Variants in TTC7A observed in about 807,000 individuals in gnomAD.
The protein encoded by TTC7A is tetratricopeptide repeat domain 7A, also known as tetratricopeptide repeat protein 7A.
Under a neutral mutation model 103.7 loss-of-function variants are expected in TTC7A, and 110 were observed. The ratio of observed to expected loss-of-function variants is 1.06; its 90% CI spans 0.91 to 1.24. The LOEUF (loss-of-function observed/expected upper bound fraction) is 1.24, where lower values mean the gene tolerates loss of function less well. Ranked by LOEUF, TTC7A falls within the 50% of genes most tolerant of loss-of-function variation. TTC7A has a pLI of 0.00. For synonymous variants in TTC7A, 521 were observed against 467.9 expected (o/e 1.11, Z -1.47); for missense variants, 1,340 against 1,116.3 (o/e 1.20, Z -2.86).
intron 14 of TTC7A, among the ~76,000 whole-genome samples, chr2:47,028,214 C>T (rs1406397040): frequency 6.6e-6 from 1 of 152,188 alleles, no homozygotes; most frequent in Non-Finnish European, 1.5e-5. Context: ...GAGACCCATC[C>T]TGGCAAGGTG....
rs1670355756 is a variant in TTC7A, at chr2:46,941,395, G to A, written c.-147G>A. On this transcript the variant is annotated 5_prime_UTR_variant, in exon 1 of 20. Coordinates refer to ENST00000319190, the MANE Select transcript of TTC7A (RefSeq NM_020458.4). The surrounding 1 kb of genome is among the most constrained non-coding windows in gnomAD (Gnocchi z 4.2). ...CTGCTGCTGCTGCTGCCCACCCTCCGCCGCCCGGGCCCCCGCTGCCGCCCG... is the reference window on the plus strand; with the variant it reads ...CTGCTGCTGCTGCTGCCCACCCTCCACCGCCCGGGCCCCCGCTGCCGCCCG... 1.3e-5 allele frequency: 8 copies of A among 625,846 alleles called. No homozygotes were observed. Among genetic ancestry groups the A allele is most frequent in the Non-Finnish European group, 1.7e-5 (8 of 470,572 alleles). The allele number at this position is 625,846 out of a possible 1,614,324, so 38.8% of individuals were successfully genotyped here. A position where few individuals can be genotyped will look rare whatever the true frequency, so the allele number is the denominator to read the frequency against.
chr2:47,026,779 T>C (rs1679967502), intron 14 of TTC7A, among the ~76,000 whole-genome samples: 1 of 152,222 alleles, frequency 6.6e-6, no homozygotes, highest in African/African-American at 2.4e-5. Context: ...CTCATCTTCA[T>C]GGACACTGAA....
In TTC7A at chr2:47,051,856, C is replaced by G. The variant is rs1333273778; in HGVS notation, c.2128C>G (p.Leu710Val). ...KQGPMQLWTT[L>V]EQIWLQAAEL... ...GGGCCCCATGCAGCTGTGGACCACG[C>G]TGGAACAGATCTGGCTGCAGGCTGG... Residue 710 changes from leucine (L) to valine (V), a missense_variant, in exon 18 of 20, where the codon CTG becomes GTG. Coordinates refer to ENST00000319190, the MANE Select transcript of TTC7A (RefSeq NM_020458.4). 2 of 1,611,392 alleles carry G rather than the reference C, an allele frequency of 1.2e-6. No homozygotes were observed. Among genetic ancestry groups the G allele is most frequent in the Non-Finnish European group, 1.7e-6 (2 of 1,179,358 alleles).
rs1297794582 is a variant in TTC7A at position 47,005,928 on chromosome 2, C to T, written c.1072C>T (p.Arg358Ter). ...LLLISESMATRDVVLSRVPEQ... is the reference protein window; with the variant it reads ...LLLISESMAT ...AACAATGTCCCACCCACAGGCAACT[C>T]GAGATGTGGTGCTGAGCCGGGTGCC... The change falls in exon 9 of 20, where the codon CGA (arginine) becomes TGA (stop). Residue 358 changes from arginine to a stop codon, truncating the protein, a stop_gained. Transcript: ENST00000319190. LOFTEE classifies it high-confidence loss of function. 8 of 1,614,134 alleles carry T rather than the reference C, an allele frequency of 5.0e-6. No individual in the cohort carries two copies. The highest frequency in any genetic ancestry group is 1.7e-5 in the Admixed American group (1 of 60,014).
At chr2:47,024,233 A>C in intron 13 of TTC7A, 54 bp from the exon 14 acceptor site, 1 of 1,487,076 alleles carries the variant, frequency 6.7e-7, no homozygotes, top group African/African-American at 1.4e-5. Flanking sequence ...CCCGAGTCAC[A>C]CGTTGGTCAC....
rs372355996 is a variant in TTC7A, at chr2:46,953,887, T to G, written c.349-2952T>G. Reference sequence around the variant, plus strand: ...TGTGTTTCTCAGGCTGGTCTCAGATTCTGGGTTTCAAGCGATCCTCTTGCC... The same window carrying G: ...TGTGTTTCTCAGGCTGGTCTCAGATGCTGGGTTTCAAGCGATCCTCTTGCC... On this transcript the variant is annotated intron_variant, in intron 2 of 19. Transcript: ENST00000319190. 8.1e-4 allele frequency among the ~76,000 whole-genome samples: 123 copies of G among 151,978 alleles called. 2 individuals carry two copies. Among genetic ancestry groups the G allele is most frequent in the African/African-American group, 2.8e-3 (116 of 41,402 alleles).
At chr2:47,011,896 C>T (rs981273153) in intron 11 of TTC7A, among the ~76,000 whole-genome samples, 1 of 152,256 alleles carries the variant, frequency 6.6e-6, no homozygotes, top group Non-Finnish European at 1.5e-5. Flanking sequence ...TTCCTCTTGG[C>T]TCCAGCCCTC....
intron 11 of TTC7A, among the ~76,000 whole-genome samples, chr2:47,015,518 C>T (rs975329150): frequency 1.3e-5 from 2 of 152,178 alleles, no homozygotes; most frequent in Admixed American, 1.3e-4. Flanking sequence ...CATGTACTCC[C>T]ACTTACTAGC....
chr2:46,993,677 T>C (rs1675860424), intron 6 of TTC7A, 149 bp downstream of exon 6: 1 of 714,296 alleles, frequency 1.4e-6, no homozygotes, highest in Non-Finnish European at 2.5e-6. Flanking sequence ...CTCAGCATCC[T>C]TTCCCACGCA....
chr2:46,971,193 T>C (rs1166491898), intron 3 of TTC7A, among the ~76,000 whole-genome samples: 1 of 152,124 alleles, frequency 6.6e-6, no homozygotes, highest in African/African-American at 2.4e-5. Context: ...GGGAAACATA[T>C]GAACAAATAA....
intron 3 of TTC7A, chr2:46,958,463 G>GC: frequency 7.7e-7 from 1 of 1,301,116 alleles, no homozygotes; most frequent in South Asian, 1.2e-5. Context: ...AGGATGGATT[G>GC]CCCCCTGTCT....
intron 2 of TTC7A, 38 bp from the exon 3 acceptor site, chr2:46,956,801 T>C (rs370850802): frequency 8.1e-6 from 13 of 1,611,272 alleles, no homozygotes; most frequent in Non-Finnish European, 1.1e-5. Flanking sequence ...CAAGGTAACT[T>C]TGGGGCAGGC....
chr2:46,926,936 A>G (rs1669413888), intron 2 of TTC7A, among the ~76,000 whole-genome samples: 1 of 152,154 alleles, frequency 6.6e-6, no homozygotes, highest in African/African-American at 2.4e-5. Context: ...CATTAGAAAA[A>G]AGAACTAAAT....
At position 46,974,789 on chromosome 2, in the gene TTC7A, C is replaced by G. The variant is rs1395001660; in HGVS notation, c.518-184C>G. ...TCCCCACGTGCTGTCCCATCGCTTACTCCCAGCCACTGCTAACACCACCGT... is the reference window on the plus strand; with the variant it reads ...TCCCCACGTGCTGTCCCATCGCTTAGTCCCAGCCACTGCTAACACCACCGT... On this transcript the variant is annotated intron_variant, in intron 3 of 19. Transcript: ENST00000319190. 40 of 766,640 alleles carry G rather than the reference C, an allele frequency of 5.2e-5. 1 individual carries two copies. The highest frequency in any genetic ancestry group is 7.6e-5 in the Non-Finnish European group (36 of 471,236). The allele number at this position is 766,640 out of a possible 1,614,324, so 47.5% of individuals were successfully genotyped here. A position where few individuals can be genotyped will look rare whatever the true frequency, so the allele number is the denominator to read the frequency against.
chr2:46,941,706 G>A lies in TTC7A; in HGVS notation c.165G>A (p.Ala55=), dbSNP rs1670403310. The part of the protein sequence containing the change: ...GGNRRGSPSA[A]FTFPDTDDFG... ...ACAGGCGAGGCAGCCCGAGCGCAGC[G>A]TTCACCTTTCCGGACACCGGTGAGT... is the stretch of plus-strand genomic sequence containing the variant. The change falls in exon 1 of 20, where the codon GCG becomes GCA. Residue 55 remains alanine (A), a synonymous_variant. Transcript: ENST00000319190. This position sits in a 1 kb window ranked among gnomAD's most constrained non-coding sequence, Gnocchi z 4.2. 1.3e-6 allele frequency: 2 copies of A among 1,550,548 alleles called. No homozygotes were observed. The highest frequency in any genetic ancestry group is 1.7e-6 in the Non-Finnish European group (2 of 1,147,350).
chr2:47,073,258 G>GA (rs1684926709), intron 19 of TTC7A, among the ~76,000 whole-genome samples: 1 of 152,206 alleles, frequency 6.6e-6, no homozygotes, highest in South Asian at 2.1e-4. Context: ...CACTGAGTGA[G>GA]AACACACTCC....
At chr2:46,970,680 T>C (rs1156955027) in intron 3 of TTC7A, among the ~76,000 whole-genome samples, 1 of 152,190 alleles carries the variant, frequency 6.6e-6, no homozygotes, top group African/African-American at 2.4e-5. Context: ...CCCACCTTCC[T>C]GCAAGGTGGA....
At chr2:46,984,518 A>C (rs1674806391) in intron 5 of TTC7A, among the ~76,000 whole-genome samples, 1 of 152,198 alleles carries the variant, frequency 6.6e-6, no homozygotes, top group Admixed American at 6.5e-5. Flanking sequence ...GTATTTTCAC[A>C]GCTGTTAACT....
intron 19 of TTC7A, among the ~76,000 whole-genome samples, chr2:47,063,668 C>G (rs538562244): frequency 6.6e-6 from 1 of 152,368 alleles, no homozygotes; most frequent in South Asian, 2.1e-4. Context: ...GGAGGACACT[C>G]TGGCCTTACC....
Sources: allele counts gnomAD v4.1 joint callset (sites outside exome capture counted in the v4.1 genomes callset), GRCh38; gene constraint gnomAD v4.1.1; non-coding constraint Gnocchi (gnomAD v3.1); transcripts MANE v1.5; gene names NCBI Gene and HGNC (gene_info 2026-07-23, HGNC 2026-07-21).